Variants in RBFOX1 observed in about 807,000 individuals in gnomAD.
RBFOX1 encodes RNA binding fox-1 homolog 1, also known as RNA binding protein fox-1 homolog 1.
In RBFOX1, 8 loss-of-function variants were observed where a neutral mutation model predicts 57.7. The observed-to-expected ratio is 0.14, with a 90% confidence interval of 0.08 to 0.25. The LOEUF is 0.25. Ranked by LOEUF, RBFOX1 falls within the 10% of genes least tolerant of loss-of-function variation. RBFOX1 has a pLI of 1.00. For missense variants in RBFOX1, 611 were observed against 548.5 expected, an observed-to-expected ratio of 1.11 and a Z score of -1.14; for synonymous variants, 326 against 222.4, an observed-to-expected ratio of 1.47 and a Z score of -4.15.
chr16:6,543,595 C>T (rs980449783), intron 2 of RBFOX1, among the ~76,000 whole-genome samples: 5 of 152,036 alleles, frequency 3.3e-5, no homozygotes, highest in African/African-American at 1.2e-4. Flanking sequence ...GGTTGTTTTG[C>T]TGTTGTTTTG....
chr16:5,313,161 G>C (rs1410797971), intron 1 of RBFOX1, among the ~76,000 whole-genome samples: 1 of 152,154 alleles, frequency 6.6e-6, no homozygotes, highest in Non-Finnish European at 1.5e-5. Context: ...AGGAAAGCCC[G>C]GGCAGGGATG....
intron 2 of RBFOX1, among the ~76,000 whole-genome samples, chr16:5,476,591 G>A (rs948304753): frequency 2.0e-5 from 3 of 152,236 alleles, no homozygotes; most frequent in Non-Finnish European, 4.4e-5. Flanking sequence ...CCGGGTCATT[G>A]TGGAGTTGAA....
At chr16:6,450,767 G>GTA (rs371495786) in intron 2 of RBFOX1, among the ~76,000 whole-genome samples, 380 of 34,100 alleles carry the variant, frequency 0.011, 24 homozygotes, top group East Asian at 0.016. Context: ...ATATATATGT[G>GTA]TATATATATA....
chr16:7,068,673 G>T (rs1318116977), intron 4 of RBFOX1, among the ~76,000 whole-genome samples: 1 of 152,076 alleles, frequency 6.6e-6, no homozygotes, highest in Non-Finnish European at 1.5e-5. Context: ...TGCAACCTCT[G>T]CCCCTCCGGG....
chr16:5,652,517 A>T (rs755107282), intron 3 of RBFOX1, among the ~76,000 whole-genome samples: 1 of 152,112 alleles, frequency 6.6e-6, no homozygotes, highest in Non-Finnish European at 1.5e-5. Flanking sequence ...AACAGGAGGG[A>T]TGACAGGATT....
chr16:6,883,258 A>T (rs1166028842), intron 3 of RBFOX1, among the ~76,000 whole-genome samples: 1 of 152,120 alleles, frequency 6.6e-6, no homozygotes, highest in East Asian at 1.9e-4. Flanking sequence ...TTCTTTTTTA[A>T]AGTTGTCCTA....
intron 4 of RBFOX1, among the ~76,000 whole-genome samples, chr16:5,991,644 AGT>A (rs2060399680): frequency 1.3e-5 from 1 of 78,766 alleles, no homozygotes. Flanking sequence ...ATTATTAGAT[AGT>A]TTTTTTTTTT....
intron 1 of RBFOX1, among the ~76,000 whole-genome samples, chr16:5,368,790 C>T (rs187151010): frequency 2.5e-4 from 38 of 152,190 alleles, no homozygotes; most frequent in African/African-American, 7.7e-4. Context: ...AACTCCAATC[C>T]AGGGTCTTCT....
chr16:6,986,193 T>TTTATTTAC (rs1242142815), intron 3 of RBFOX1, among the ~76,000 whole-genome samples: 4 of 148,060 alleles, frequency 2.7e-5, no homozygotes, highest in Admixed American at 2.7e-4. Context: ...TTTTTATTTA[T>TTTATTTAC]TTATTTATTT....
intron 14 of RBFOX1, among the ~76,000 whole-genome samples, chr16:7,680,534 G>C (rs2074465585): frequency 6.6e-6 from 1 of 152,126 alleles, no homozygotes; most frequent in South Asian, 2.1e-4. Context: ...TTTCATCACA[G>C]TCCAATTACA....
chr16:6,390,568 T>G (rs976483532), intron 2 of RBFOX1, among the ~76,000 whole-genome samples: 1 of 151,514 alleles, frequency 6.6e-6, no homozygotes, highest in Non-Finnish European at 1.5e-5. Context: ...AAAAAAAGCA[T>G]GGAAGAAACA....
At chr16:5,372,591 C>G (rs1262683576) in intron 1 of RBFOX1, among the ~76,000 whole-genome samples, 1 of 152,182 alleles carries the variant, frequency 6.6e-6, no homozygotes, top group Non-Finnish European at 1.5e-5. Context: ...GTGATGCTGA[C>G]TGCCCCTGTG....
intron 2 of RBFOX1, among the ~76,000 whole-genome samples, chr16:5,522,397 A>C (rs904363086): frequency 6.6e-6 from 1 of 152,202 alleles, no homozygotes; most frequent in South Asian, 2.1e-4. Context: ...CTGTTTAGGA[A>C]GCCACATTTT....
At chr16:7,655,031 G>A (rs1243150274) in intron 12 of RBFOX1, among the ~76,000 whole-genome samples, 1 of 152,132 alleles carries the variant, frequency 6.6e-6, no homozygotes, top group Non-Finnish European at 1.5e-5. Flanking sequence ...AGAAAATATG[G>A]CTGCATTTAA....
rs1221125853 is a variant in RBFOX1 at position 6,940,857 on chromosome 16, G to GTT, written c.-15-111199_-15-111198insTT. On this transcript the variant is annotated intron_variant, in intron 3 of 15. Coordinates refer to ENST00000550418, the MANE Select transcript of RBFOX1 (RefSeq NM_018723.4). The stretch of plus-strand genomic sequence containing the variant: ...GCCACCATGTCCGGCTAGTCTGTGT[G>GTT]TGTGTGTGTGTGTGTGTGTGTGTGT... 9.9e-5 allele frequency among the ~76,000 whole-genome samples: 10 copies of GTT among 101,012 alleles called. 1 individual carries two copies. The highest frequency in any genetic ancestry group is 4.0e-4 in the African/African-American group (10 of 25,012). The allele number at this position is 101,012 out of a possible 152,430, so 66.3% of individuals were successfully genotyped here.
In RBFOX1 at chr16:6,026,994, A is replaced by G. The variant is rs1470748530; in HGVS notation, c.-127+7002A>G. Among the ~76,000 whole-genome samples the G allele has an allele frequency of 1.3e-5, 2 of 152,258 alleles. 1 individual carries two copies. Among genetic ancestry groups the G allele is most frequent in the Non-Finnish European group, 2.9e-5 (2 of 68,050 alleles). On this transcript the variant is annotated intron_variant, in intron 1 of 15. Coordinates refer to ENST00000550418, the MANE Select transcript of RBFOX1 (RefSeq NM_018723.4). ...CCTCTTCATTTCTTCTGAGAACAAA[A>G]TTAGATCTTTGCCAGCATAATGGAT...
intron 1 of RBFOX1, among the ~76,000 whole-genome samples, chr16:6,073,952 T>C (rs1283130121): frequency 6.6e-6 from 1 of 151,654 alleles, no homozygotes; most frequent in Non-Finnish European, 1.5e-5. Context: ...GTAGTGAAGG[T>C]TCTTTTCTTT....
At chr16:6,716,574 G>A (rs964573632) in intron 3 of RBFOX1, among the ~76,000 whole-genome samples, 6 of 152,212 alleles carry the variant, frequency 3.9e-5, no homozygotes, top group Non-Finnish European at 8.8e-5. Flanking sequence ...AATGGAACTT[G>A]TCTCAGAATC....
chr16:5,575,382 G>A (rs1365407120), intron 2 of RBFOX1, among the ~76,000 whole-genome samples: 2 of 152,058 alleles, frequency 1.3e-5, no homozygotes, highest in African/African-American at 4.8e-5. Flanking sequence ...CACATGCCCT[G>A]CGTGTCCTCT....
Sources: gnomAD v4.1 joint callset for allele counts (sites outside exome capture counted in the v4.1 genomes callset) on GRCh38, gnomAD v4.1.1 for gene constraint, MANE v1.5 for transcripts, NCBI Gene and HGNC (gene_info 2026-07-23, HGNC 2026-07-21) for gene names.